Variants in MTARC1 observed in about 807,000 individuals in gnomAD.
MTARC1 encodes mitochondrial amidoxime-reducing component 1.
In MTARC1, 24 loss-of-function variants were observed where a neutral mutation model predicts 33.6. The ratio of observed to expected loss-of-function variants is 0.72; its 90% CI spans 0.52 to 1.01. The LOEUF is 1.01. Ranked by LOEUF, MTARC1 falls within the 50% of genes least tolerant of loss-of-function variation. The pLI, the probability that MTARC1 is intolerant of heterozygous loss-of-function variation, is 0.00. For synonymous variants in MTARC1, 187 were observed against 189.5 expected (o/e 0.99, Z 0.11); for missense variants, 417 against 445.7 (o/e 0.94, Z 0.58).
chr1:220,792,578 C>A (rs1166004432), intron 2 of MTARC1, among the ~76,000 whole-genome samples: 1 of 150,666 alleles, frequency 6.6e-6, no homozygotes, highest in African/African-American at 2.4e-5. Context: ...TGATAATATA[C>A]TTTTTTGAAT....
chr1:220,796,849 C>A (rs1238793177), intron 3 of MTARC1, 44 bp downstream of exon 3: 3 of 1,544,970 alleles, frequency 1.9e-6, no homozygotes, highest in Middle Eastern at 1.7e-4. Flanking sequence ...CAGTCACCCC[C>A]AGATCAGGGG....
intron 4 of MTARC1, among the ~76,000 whole-genome samples, chr1:220,803,554 A>C (rs1672878204): frequency 6.6e-6 from 1 of 152,058 alleles, no homozygotes; most frequent in Non-Finnish European, 1.5e-5. Flanking sequence ...TGGACCTCAA[A>C]GCGCTCCCTC....
At position 220,796,649 on chromosome 1, in the gene MTARC1, C is replaced by T. The variant is rs139388007; in HGVS notation, c.456C>T (p.His152=). The change falls in exon 3 of 7, where the codon CAC becomes CAT. Residue 152 remains histidine (H), a synonymous_variant. Coordinates refer to ENST00000366910, the MANE Select transcript of MTARC1 (RefSeq NM_022746.4). ...TTNAVHKCRV[H]GLEIEGRDCG... ...GCTCCTGCTACCCCTGCAGAGTGCA[C>T]GGCCTGGAGATAGAGGGCAGGGACT... The T allele has an allele frequency of 1.6e-4, 252 of 1,597,586 alleles. No individual in the cohort carries two copies. The highest frequency in any genetic ancestry group is 2.0e-4 in the Non-Finnish European group (238 of 1,173,518).
chr1:220,801,049 C>A (rs2642445), intron 4 of MTARC1, among the ~76,000 whole-genome samples: 43,850 of 152,032 alleles, frequency 0.29, 6,514 homozygotes, highest in East Asian at 0.43. Flanking sequence ...TGATGTAAGT[C>A]ACATCATGTG....
At chr1:220,801,571 C>T (rs777681325) in intron 4 of MTARC1, among the ~76,000 whole-genome samples, 1 of 152,174 alleles carries the variant, frequency 6.6e-6, no homozygotes, top group African/African-American at 2.4e-5. Context: ...GGTACATACA[C>T]AGGGCTATGA....
At chr1:220,807,554 A>G (rs533510562) in intron 6 of MTARC1, among the ~76,000 whole-genome samples, 1 of 152,240 alleles carries the variant, frequency 6.6e-6, no homozygotes, top group East Asian at 1.9e-4. Flanking sequence ...CTGCACTCCA[A>G]TTTGGATGAC....
Position 220,791,498 on chromosome 1 carries a change from C to T in MTARC1, c.283C>T (p.Leu95Phe). The T allele has an allele frequency of 6.2e-7, 1 of 1,613,840 alleles. No individual in the cohort carries two copies. Among genetic ancestry groups the T allele is most frequent in the East Asian group, 2.2e-5 (1 of 44,864 alleles). Residue 95 changes from leucine (L) to phenylalanine (F), a missense_variant, in exon 2 of 7, where the codon CTT becomes TTT. Leu to Phe is a conservative substitution (Grantham distance 22). Transcript: ENST00000366910. ...GTGTTTTGAAAACGGCAGGTTTTGG[C>T]TTGTGATCAACCAGGAGGGAAACAT... Reference protein sequence around the residue: ...RSGNLRDRFWLVINQEGNMVT... With the variant: ...RSGNLRDRFWFVINQEGNMVT...
intron 3 of MTARC1, 76 bp downstream of exon 3, chr1:220,796,881 A>G: frequency 4.1e-6 from 6 of 1,450,456 alleles, no homozygotes; most frequent in Non-Finnish European, 5.5e-6. Context: ...ATCTCTGATG[A>G]CCTCGGCTCT....
intron 6 of MTARC1, among the ~76,000 whole-genome samples, chr1:220,806,224 G>A (rs1488002895): frequency 6.6e-6 from 1 of 152,166 alleles, no homozygotes; most frequent in East Asian, 1.9e-4. Flanking sequence ...CTCTGAAAAT[G>A]AACTAAGGGT....
intron 2 of MTARC1, chr1:220,794,069 C>T (rs1285576655): frequency 6.6e-6 from 1 of 152,184 alleles, no homozygotes; most frequent in East Asian, 1.9e-4. Flanking sequence ...GATGCAAATG[C>T]TTTGACTTTG....
intron 4 of MTARC1, 76 bp from the exon 5 acceptor site, chr1:220,804,976 C>A: frequency 6.6e-7 from 1 of 1,511,932 alleles, no homozygotes; most frequent in Non-Finnish European, 9.2e-7. Flanking sequence ...GGTGCGAGGG[C>A]TCCTGGGAAA....
chr1:220,787,964 C>T (rs184248261), intron 1 of MTARC1, among the ~76,000 whole-genome samples: 27 of 152,106 alleles, frequency 1.8e-4, no homozygotes, highest in Admixed American at 4.6e-4. Context: ...GCCAGGATTG[C>T]GCCACTGCAC....
intron 4 of MTARC1, chr1:220,798,990 T>G: frequency 1.0e-6 from 1 of 985,410 alleles, no homozygotes; most frequent in Non-Finnish European, 1.2e-6. Context: ...ACGGCTGGTT[T>G]CAGCTTCTGC....
At chr1:220,801,982 C>T (rs1672825958) in intron 4 of MTARC1, among the ~76,000 whole-genome samples, 1 of 152,154 alleles carries the variant, frequency 6.6e-6, no homozygotes, top group Admixed American at 6.5e-5. Flanking sequence ...CCCTACCTGC[C>T]ACAGTCAGTG....
chr1:220,813,797 G>T lies in MTARC1; in HGVS notation c.*379G>T. The T allele has an allele frequency of 5.1e-6, 1 of 195,332 alleles. No individual in the cohort carries two copies. The highest frequency in any genetic ancestry group is 1.0e-4 in the South Asian group (1 of 9,950). The allele number at this position is 195,332 out of a possible 1,614,324, so 12.1% of individuals were successfully genotyped here. A position where few individuals can be genotyped will look rare whatever the true frequency, so the allele number is the denominator to read the frequency against. ...GAGAAGAAGAGAAAGAGGAAGAGTG[G>T]GTGGGCTGGAAGAATATCCTAGAAT... On this transcript the variant is annotated 3_prime_UTR_variant, in exon 7 of 7. Transcript: ENST00000366910.
intron 6 of MTARC1, among the ~76,000 whole-genome samples, chr1:220,808,146 T>C (rs954320065): frequency 6.6e-6 from 1 of 152,218 alleles, no homozygotes; most frequent in African/African-American, 2.4e-5. Flanking sequence ...AGAAGGTTTA[T>C]GCTCTTGCAG....
chr1:220,797,598 G>T (rs1672661780), intron 3 of MTARC1, among the ~76,000 whole-genome samples: 1 of 152,232 alleles, frequency 6.6e-6, no homozygotes, highest in African/African-American at 2.4e-5. Flanking sequence ...GGCTTAGAAA[G>T]GTTCAGTGAT....
intron 3 of MTARC1, among the ~76,000 whole-genome samples, chr1:220,797,600 T>C (rs1024251732): frequency 1.1e-4 from 16 of 152,212 alleles, no homozygotes; most frequent in Non-Finnish European, 2.9e-5. Flanking sequence ...CTTAGAAAGG[T>C]TCAGTGATGT....
chr1:220,805,140 GT>G, intron 5 of MTARC1, 27 bp downstream of exon 5: 2 of 1,614,122 alleles, frequency 1.2e-6, no homozygotes, highest in Non-Finnish European at 1.7e-6. Context: ...TCCCTGTGGG[GT>G]GGAGGTGGGG....
Sources: gnomAD v4.1 joint callset for allele counts (sites outside exome capture counted in the v4.1 genomes callset) on GRCh38, gnomAD v4.1.1 for gene constraint, MANE v1.5 for transcripts, NCBI Gene and HGNC (gene_info 2026-07-23, HGNC 2026-07-21) for gene names.